Variants in ADAMDEC1 observed in about 807,000 individuals in gnomAD.
ADAMDEC1 encodes the protein ADAM DEC1.
ADAMDEC1 carries 62 observed loss-of-function variants against 60.4 expected under a neutral mutation model. That is an observed-to-expected ratio of 1.03 (90% CI 0.84 to 1.27). The LOEUF (loss-of-function observed/expected upper bound fraction) is 1.27. Among genes scored for constraint, ADAMDEC1 ranks in the 50% most tolerant of loss-of-function variants. The probability of loss-of-function intolerance (pLI) is 0.00; values close to 1 mark genes in which losing one functional copy is unlikely to be tolerated. For synonymous variants in ADAMDEC1, 210 were observed against 195.1 expected (o/e 1.08, Z -0.64); for missense variants, 595 against 565.0 (o/e 1.05, Z -0.54).
intron 1 of ADAMDEC1, among the ~76,000 whole-genome samples, chr8:24,385,483 A>T (rs1476038487): frequency 2.0e-5 from 3 of 151,798 alleles, no homozygotes; most frequent in East Asian, 3.9e-4. Context: ...CAGCTTACTG[A>T]AGTCTTCAAA....
At chr8:24,396,399 C>T (rs1258112750) in intron 5 of ADAMDEC1, among the ~76,000 whole-genome samples, 4 of 152,246 alleles carry the variant, frequency 2.6e-5, no homozygotes, top group South Asian at 2.1e-4. Flanking sequence ...GTAGTCCCAG[C>T]TACTCCGGAG....
chr8:24,395,332 C>T (rs1817578786), intron 4 of ADAMDEC1, among the ~76,000 whole-genome samples: 1 of 152,218 alleles, frequency 6.6e-6, no homozygotes, highest in Admixed American at 6.5e-5. Context: ...GCACTGACCC[C>T]CAAACCTGAG....
chr8:24,399,262 G>A (rs1563356683), intron 9 of ADAMDEC1, 131 bp from the exon 10 acceptor site: 7 of 1,077,506 alleles, frequency 6.5e-6, no homozygotes, highest in South Asian at 2.8e-5. Flanking sequence ...CTAAGGAATA[G>A]TAGAAGTTTT....
At chr8:24,397,646 G>A (rs1222191561) in intron 6 of ADAMDEC1, 37 bp from the exon 7 acceptor site, 1 of 1,584,968 alleles carries the variant, frequency 6.3e-7, no homozygotes. Flanking sequence ...TTAGGATAAA[G>A]ATAATGATTA....
chr8:24,402,582 A>C (rs925866919), intron 12 of ADAMDEC1, among the ~76,000 whole-genome samples: 5 of 152,182 alleles, frequency 3.3e-5, no homozygotes, highest in African/African-American at 1.2e-4. Context: ...CAGAATAAGC[A>C]CTATGATTCT....
intron 11 of ADAMDEC1, among the ~76,000 whole-genome samples, chr8:24,401,412 C>T (rs1817763477): frequency 6.6e-6 from 1 of 152,048 alleles, no homozygotes; most frequent in Non-Finnish European, 1.5e-5. Context: ...TATGAATTAC[C>T]TGTGAATGCC....
intron 11 of ADAMDEC1, among the ~76,000 whole-genome samples, chr8:24,400,971 AT>A (rs11350280): frequency 0.39 from 58,987 of 151,450 alleles, 11,988 homozygotes; most frequent in South Asian, 0.46. Context: ...TGAACTCATC[AT>A]TTTTTTATGG....
At chr8:24,392,950 A>C (rs1017211787) in intron 2 of ADAMDEC1, among the ~76,000 whole-genome samples, 1 of 136,432 alleles carries the variant, frequency 7.3e-6, no homozygotes, top group Non-Finnish European at 1.5e-5. Context: ...GTTTTAAAGT[A>C]AGAAAAATAC....
intron 1 of ADAMDEC1, among the ~76,000 whole-genome samples, chr8:24,385,177 G>A (rs1293411495): frequency 2.6e-5 from 4 of 152,126 alleles, no homozygotes; most frequent in African/African-American, 9.7e-5. Context: ...TATTTTACTA[G>A]TGATCACATA....
intron 1 of ADAMDEC1, among the ~76,000 whole-genome samples, chr8:24,389,241 C>T (rs1817375949): frequency 6.6e-6 from 1 of 152,126 alleles, no homozygotes; most frequent in Non-Finnish European, 1.5e-5. Flanking sequence ...GAACCTTTCC[C>T]ACATATCTGT....
Position 24,388,513 on chromosome 8 carries a change from G to A in ADAMDEC1, c.89-3749G>A, listed in dbSNP as rs550668178. Among the ~76,000 whole-genome samples, 12 of 151,912 alleles carry A rather than the reference G, an allele frequency of 7.9e-5. No individual in the cohort carries two copies. The East Asian group carries it at 2.3e-3, about 29-fold the overall frequency. On this transcript the variant is annotated intron_variant, in intron 1 of 13. Coordinates refer to ENST00000256412, the MANE Select transcript of ADAMDEC1 (RefSeq NM_014479.3). Reference sequence around the variant, plus strand: ...CTTCCTCTCTCTTTCCTTTTCCATGGCATGAAACACACCATTTCATTTGGT... The same window carrying A: ...CTTCCTCTCTCTTTCCTTTTCCATGACATGAAACACACCATTTCATTTGGT...
In ADAMDEC1 at chr8:24,402,032, A is replaced by G; in HGVS notation, c.1260A>G (p.Thr420=). The G allele has an allele frequency of 6.2e-7, 1 of 1,613,268 alleles. No individual in the cohort carries two copies. The highest frequency in any genetic ancestry group is 1.7e-5 in the Admixed American group (1 of 59,956). The part of the protein sequence containing the change: ...QAPIPTNIMT[T]PVCGNHLLEV... Reference sequence around the variant, plus strand: ...CTATTCCTACAAATATAATGACAACACCAGTGTGTGGGAACCACCTTCTAG... The same window carrying G: ...CTATTCCTACAAATATAATGACAACGCCAGTGTGTGGGAACCACCTTCTAG... The change falls in exon 12 of 14, where the codon ACA becomes ACG. Residue 420 remains threonine (T), a synonymous_variant. Coordinates refer to ENST00000256412, the MANE Select transcript of ADAMDEC1 (RefSeq NM_014479.3).
intron 1 of ADAMDEC1, chr8:24,387,284 G>C (rs558421653): frequency 6.6e-6 from 1 of 152,156 alleles, no homozygotes; most frequent in African/African-American, 2.4e-5. Flanking sequence ...TATTGGGAGA[G>C]AGGGCTCAGG....
Position 24,393,265 on chromosome 8 carries a change from A to G in ADAMDEC1, c.211A>G (p.Arg71Gly). Reference protein sequence around the residue: ...NQTEKHGKEERYEPEVQYQMI... With the variant: ...NQTEKHGKEEGYEPEVQYQMI... The stretch of plus-strand genomic sequence containing the variant: ...TGATGTAATTAAATGTTTTCAGGAA[A>G]GGTATGAACCTGAAGTTCAATATCA... The change falls in exon 3 of 14, where the codon AGG becomes GGG. Residue 71 changes from arginine (R) to glycine (G), a missense_variant. By Grantham distance (125) the Arg-to-Gly change is moderately radical. Transcript: ENST00000256412. 1 of 1,575,708 alleles carries G rather than the reference A, an allele frequency of 6.3e-7. No homozygotes were observed. The highest frequency in any genetic ancestry group is 1.4e-5 in the African/African-American group (1 of 73,458).
At chr8:24,393,162 T>C (rs1817493912) in intron 2 of ADAMDEC1, 100 bp from the exon 3 acceptor site, 9 of 659,350 alleles carry the variant, frequency 1.4e-5, no homozygotes. Flanking sequence ...GCTTTTATCC[T>C]ATATGCATTT....
At chr8:24,398,624 C>A in intron 8 of ADAMDEC1, 73 bp downstream of exon 8, 2 of 1,194,042 alleles carry the variant, frequency 1.7e-6, no homozygotes, top group Non-Finnish European at 2.4e-6. Context: ...TAAGATTTCA[C>A]CAACAAGAAG....
In ADAMDEC1 at chr8:24,398,822, G is replaced by C. The variant is rs1817682592; in HGVS notation, c.763-52G>C. On this transcript the variant is annotated intron_variant, in intron 8 of 13. Coordinates refer to ENST00000256412, the MANE Select transcript of ADAMDEC1 (RefSeq NM_014479.3). ...TACTTGTGGTCAACAAAAGCTCTCA[G>C]ACACGAAAGGAATCCTGAACATTTT... 3 of 1,568,184 alleles carry C rather than the reference G, an allele frequency of 1.9e-6. No individual in the cohort carries two copies. The East Asian group carries it at 6.8e-5, about 35-fold the overall frequency.
intron 1 of ADAMDEC1, among the ~76,000 whole-genome samples, 154 bp from the exon 2 acceptor site, chr8:24,392,108 C>T (rs527707362): frequency 1.3e-5 from 2 of 151,822 alleles, no homozygotes; most frequent in East Asian, 1.9e-4. Flanking sequence ...AGCTGAAGAA[C>T]GACAATTAAC....
At chr8:24,401,708 T>C (rs1358936419) in intron 11 of ADAMDEC1, among the ~76,000 whole-genome samples, 5 of 152,034 alleles carry the variant, frequency 3.3e-5, no homozygotes. Context: ...GGAAGAAAAA[T>C]GTCCAAATAC....
Sources: allele counts gnomAD v4.1 joint callset (sites outside exome capture counted in the v4.1 genomes callset), GRCh38; gene constraint gnomAD v4.1.1; transcripts MANE v1.5; gene names NCBI Gene and HGNC (gene_info 2026-07-23, HGNC 2026-07-21).